PIK3R1: variants seen among roughly 807,000 people sequenced by gnomAD.
PIK3R1 encodes phosphoinositide-3-kinase regulatory subunit 1, also known as phosphatidylinositol 3-kinase regulatory subunit alpha.
A neutral mutation model predicts 98.0 loss-of-function variants in PIK3R1; 29 were observed. That is an observed-to-expected ratio of 0.30 (90% CI 0.22 to 0.40). The LOEUF (loss-of-function observed/expected upper bound fraction) is 0.40. PIK3R1 is among the 10% of genes least tolerant of loss of function. PIK3R1 has a pLI of 1.00. For synonymous variants in PIK3R1, 282 were observed against 311.8 expected (o/e 0.90, Z 1.01); for missense variants, 596 against 872.7 (o/e 0.68, Z 3.99).
rs866999824 is a variant in PIK3R1, at chr5:68,262,900, T to G, written c.335-10490T>G. Reference sequence around the variant, plus strand: ...ATACATGTAGATACATGTATACATATATACATGTAGATACATGTAGATACA... The same window carrying G: ...ATACATGTAGATACATGTATACATAGATACATGTAGATACATGTAGATACA... On this transcript the variant is annotated intron_variant, in intron 2 of 15. Coordinates refer to ENST00000521381, the MANE Select transcript of PIK3R1 (RefSeq NM_181523.3). Among the ~76,000 whole-genome samples the G allele has an allele frequency of 3.8e-4, 30 of 79,122 alleles. 2 individuals are homozygous for G. Among genetic ancestry groups the G allele is most frequent in the Non-Finnish European group, 6.5e-4 (25 of 38,202 alleles). 51.9% of individuals were successfully genotyped at this position (79,122 alleles called of 152,430 possible). A position where few individuals can be genotyped will look rare whatever the true frequency, so the allele number is the denominator to read the frequency against.
chr5:68,258,790 T>C (rs1018298874), intron 2 of PIK3R1, among the ~76,000 whole-genome samples: 5 of 152,196 alleles, frequency 3.3e-5, no homozygotes, highest in African/African-American at 1.2e-4. Context: ...ACACCCTGCA[T>C]TGTGACAAAC....
chr5:68,273,001 G>T (rs999926753), intron 2 of PIK3R1, among the ~76,000 whole-genome samples: 1 of 152,168 alleles, frequency 6.6e-6, no homozygotes, highest in African/African-American at 2.4e-5. Context: ...TGAGAGTTCT[G>T]CCCTAGAGTG....
At chr5:68,283,560 G>A (rs1385816892) in intron 7 of PIK3R1, among the ~76,000 whole-genome samples, 1 of 152,190 alleles carries the variant, frequency 6.6e-6, no homozygotes, top group Non-Finnish European at 1.5e-5. Context: ...GATGCATGGA[G>A]TTTAAAGACT....
intron 8 of PIK3R1, 46 bp from the exon 9 acceptor site, chr5:68,293,055 G>A (rs2112250603): frequency 7.0e-7 from 1 of 1,435,366 alleles, no homozygotes; most frequent in Non-Finnish European, 9.8e-7. Flanking sequence ...ATAAATCTGT[G>A]GTCACTAAAC....
chr5:68,241,422 A>T (rs1163450282), intron 2 of PIK3R1, among the ~76,000 whole-genome samples: 1 of 148,296 alleles, frequency 6.7e-6, no homozygotes, highest in African/African-American at 2.5e-5. Flanking sequence ...TTTTTAGTTC[A>T]TTACATTGAG....
chr5:68,271,437 T>G (rs1746355808), intron 2 of PIK3R1, among the ~76,000 whole-genome samples: 1 of 152,220 alleles, frequency 6.6e-6, no homozygotes, highest in Non-Finnish European at 1.5e-5. Context: ...CAGGGATAGC[T>G]TTAGAGTGGG....
At chr5:68,229,584 G>A (rs561204348) in intron 2 of PIK3R1, among the ~76,000 whole-genome samples, 6 of 152,272 alleles carry the variant, frequency 3.9e-5, no homozygotes, top group African/African-American at 1.4e-4. Flanking sequence ...GGCACACCTC[G>A]TTAATGGGCA....
At chr5:68,273,890 A>G (rs1317160532) in intron 3 of PIK3R1, 49 bp from the exon 4 acceptor site, 1 of 1,422,814 alleles carries the variant, frequency 7.0e-7, no homozygotes, top group Non-Finnish European at 9.9e-7. Flanking sequence ...CAGGTTCTCC[A>G]GAGAGCTGTG....
chr5:68,268,803 T>C (rs1389132532), intron 2 of PIK3R1, among the ~76,000 whole-genome samples: 1 of 152,186 alleles, frequency 6.6e-6, no homozygotes, highest in Non-Finnish European at 1.5e-5. Flanking sequence ...TGCAACTGTG[T>C]GGTGGTTTCA....
intron 2 of PIK3R1, among the ~76,000 whole-genome samples, chr5:68,248,644 C>G (rs1370487549): frequency 6.6e-6 from 1 of 152,134 alleles, no homozygotes; most frequent in Non-Finnish European, 1.5e-5. Context: ...GTTGGCATGA[C>G]ATGTTTGGTC....
intron 2 of PIK3R1, among the ~76,000 whole-genome samples, chr5:68,266,210 C>T (rs1746117570): frequency 1.3e-5 from 2 of 152,200 alleles, no homozygotes; most frequent in African/African-American, 4.8e-5. Context: ...CTTGTGACAT[C>T]GCAGCTTCTC....
intron 2 of PIK3R1, among the ~76,000 whole-genome samples, chr5:68,233,509 C>T (rs1001930680): frequency 1.3e-5 from 2 of 152,188 alleles, no homozygotes; most frequent in African/African-American, 4.8e-5. Flanking sequence ...ATTTCAATTG[C>T]TTGGGTATAG....
intron 7 of PIK3R1, among the ~76,000 whole-genome samples, chr5:68,289,520 G>C (rs1747261229): frequency 6.6e-6 from 1 of 151,702 alleles, no homozygotes; most frequent in South Asian, 2.1e-4. Flanking sequence ...GAGCCCCACT[G>C]TAGTTTTTTA....
chr5:68,262,451 T>C (rs1332569741), intron 2 of PIK3R1, among the ~76,000 whole-genome samples: 1 of 145,346 alleles, frequency 6.9e-6, no homozygotes, highest in East Asian at 2.0e-4. Context: ...GTATGTAGAA[T>C]ACATATATAT....
intron 2 of PIK3R1, among the ~76,000 whole-genome samples, chr5:68,266,665 C>T (rs987820183): frequency 4.6e-5 from 7 of 152,150 alleles, no homozygotes; most frequent in Non-Finnish European, 1.0e-4. Flanking sequence ...GGGAAACTTA[C>T]TATAAGCTTC....
Position 68,280,962 on chromosome 5 carries a change from A to G in PIK3R1, c.872A>G (p.Glu291Gly), listed in dbSNP as rs1268829618. 1.2e-6 allele frequency: 2 copies of G among 1,606,254 alleles called. No homozygotes were observed. The highest frequency in any genetic ancestry group is 1.7e-6 in the Non-Finnish European group (2 of 1,175,542). Residue 291 changes from glutamate to glycine, a missense_variant, in exon 7 of 16, where the codon GAA becomes GGA. Glu to Gly is a moderately conservative substitution (Grantham distance 98). This residue lies in a region of PIK3R1 where 352 missense variants were observed against 393.3 expected (regional missense o/e 0.90). Transcript: ENST00000521381. ...DNTENLIKVI[E>G]ILISTEWNER... ...ACTGAAAACCTCATAAAAGTTATAG[A>G]AATTTTAATCTCAACTGAATGGAAT... is the stretch of plus-strand genomic sequence containing the variant.
chr5:68,292,611 C>T, intron 8 of PIK3R1: 1 of 1,452,178 alleles, frequency 6.9e-7, no homozygotes, highest in African/African-American at 1.4e-5. Context: ...TGAAGTGGCA[C>T]TGCCTAAGAA....
rs2111965134 is a variant in PIK3R1 at position 68,226,912 on chromosome 5, G to GA, written c.244dup (p.Ile82AsnfsTer24). 6.2e-7 allele frequency: 1 copy of GA among 1,613,820 alleles called. No homozygotes were observed. Among genetic ancestry groups the GA allele is most frequent in the Non-Finnish European group, 8.5e-7 (1 of 1,179,950 alleles). On this transcript the variant is annotated frameshift_variant, in exon 2 of 16. Coordinates refer to ENST00000521381, the MANE Select transcript of PIK3R1 (RefSeq NM_181523.3). LOFTEE classifies it high-confidence loss of function. Reference sequence around the variant, plus strand: ...GAACTTACGTAGAATATATTGGAAGGAAAAAAATCTCGCCTCCCACACCAA... The same window carrying GA: ...GAACTTACGTAGAATATATTGGAAGGAAAAAAAATCTCGCCTCCCACACCAA...
intron 2 of PIK3R1, among the ~76,000 whole-genome samples, chr5:68,254,816 T>G (rs1287543778): frequency 6.9e-6 from 1 of 144,194 alleles, no homozygotes; most frequent in African/African-American, 2.6e-5. Context: ...ATTGCATCAG[T>G]ACAGTCTTTT....
Sources: gnomAD v4.1 joint callset for allele counts (sites outside exome capture counted in the v4.1 genomes callset) on GRCh38, gnomAD v4.1.1 for gene constraint, gnomAD v4.1.1 regional missense constraint, MANE v1.5 for transcripts, NCBI Gene and HGNC (gene_info 2026-07-23, HGNC 2026-07-21) for gene names.